Variants in USP35 observed in about 807,000 individuals in gnomAD.
The protein encoded by USP35 is ubiquitin carboxyl-terminal hydrolase 35.
In USP35, 69 loss-of-function variants were observed where a neutral mutation model predicts 83.8. The observed-to-expected ratio is 0.82, with a 90% CI of 0.68 to 1.01. USP35 has a LOEUF of 1.01. Among genes scored for constraint, USP35 ranks in the 50% least tolerant of loss-of-function variants. USP35 has a pLI of 0.00. For missense variants in USP35, 1,503 were observed against 1,362.5 expected (o/e 1.10, Z -1.62); for synonymous variants, 714 against 589.5 (o/e 1.21, Z -3.06).
In USP35 at chr11:78,196,525, G is replaced by A; in HGVS notation, c.280G>A (p.Gly94Ser). The change falls in exon 2 of 11, where the codon GGC becomes AGC. Residue 94 changes from glycine to serine, a missense_variant. Gly to Ser is a moderately conservative substitution (Grantham distance 56). Coordinates refer to ENST00000529308, the MANE Select transcript of USP35 (RefSeq NM_020798.4). This position sits in a 1 kb window ranked among gnomAD's most constrained non-coding sequence, Gnocchi z 4.8. ...RVLRLLQGGAGPPGPRALACV... is the reference protein window; with the variant it reads ...RVLRLLQGGASPPGPRALACV... ...GCTGCGCCTGCTGCAGGGTGGCGCC[G>A]GCCCCCCGGGCCCCCGCGCGCTCGC... 1 of 1,219,144 alleles carries A rather than the reference G, an allele frequency of 8.2e-7. No individual in the cohort carries two copies. Among genetic ancestry groups the A allele is most frequent in the East Asian group, 4.2e-5 (1 of 24,016 alleles). 75.5% of individuals were successfully genotyped at this position (1,219,144 alleles called of 1,614,324 possible).
Position 78,196,473 on chromosome 11 carries a change from C to T in USP35, c.228C>T (p.Phe76=), listed in dbSNP as rs1436234752. The change falls in exon 2 of 11, where the codon TTC becomes TTT. Residue 76 remains phenylalanine (F), a synonymous_variant. Coordinates refer to ENST00000529308, the MANE Select transcript of USP35 (RefSeq NM_020798.4). This position sits in a 1 kb window ranked among gnomAD's most constrained non-coding sequence, Gnocchi z 4.8. ...HVAGRHHPDV[F]AEFFSARRVL... is the part of the protein sequence containing the mutation. Reference sequence around the variant, plus strand: ...CCGGCCGCCACCACCCCGACGTCTTCGCCGAGTTCTTCAGCGCGCGTCGCG... The same window carrying T: ...CCGGCCGCCACCACCCCGACGTCTTTGCCGAGTTCTTCAGCGCGCGTCGCG... 8.0e-7 allele frequency: 1 copy of T among 1,245,244 alleles called. No homozygotes were observed. The highest frequency in any genetic ancestry group is 1.0e-6 in the Non-Finnish European group (1 of 993,264). 77.1% of individuals were successfully genotyped at this position (1,245,244 alleles called of 1,614,324 possible).
chr11:78,203,021 C>T (rs1172560034), intron 6 of USP35, among the ~76,000 whole-genome samples: 4 of 152,062 alleles, frequency 2.6e-5, no homozygotes, highest in Non-Finnish European at 4.4e-5. Context: ...GACCCTGCCC[C>T]GGGCACTGAG....
intron 10 of USP35, among the ~76,000 whole-genome samples, chr11:78,212,639 T>C (rs1404858737): frequency 6.6e-6 from 1 of 152,224 alleles, no homozygotes; most frequent in Non-Finnish European, 1.5e-5. Flanking sequence ...AGGTATTTTA[T>C]TCTGTTTGTA....
At position 78,214,781 on chromosome 11, in the gene USP35, G is replaced by C. The variant is rs1469760522; in HGVS notation, c.*968G>C. ...TTGCTCACGGGGTCTGGGGAGGCCAGGACTCAGCCTGCCCCCCAGTGACGT... is the reference window on the plus strand; with the variant it reads ...TTGCTCACGGGGTCTGGGGAGGCCACGACTCAGCCTGCCCCCCAGTGACGT... On this transcript the variant is annotated 3_prime_UTR_variant, in exon 11 of 11. Transcript: ENST00000529308. 1 of 152,274 alleles carries C rather than the reference G, an allele frequency of 6.6e-6. No individual in the cohort carries two copies. The highest frequency in any genetic ancestry group is 1.5e-5 in the Non-Finnish European group (1 of 68,104). The allele number at this position is 152,274 out of a possible 1,614,324, so 9.4% of individuals were successfully genotyped here. A position where few individuals can be genotyped will look rare whatever the true frequency, so the allele number is the denominator to read the frequency against.
intron 5 of USP35, 55 bp downstream of exon 5, chr11:78,200,289 A>G (rs1279758661): frequency 5.1e-6 from 8 of 1,558,814 alleles, no homozygotes; most frequent in Non-Finnish European, 7.1e-6. Context: ...GCCCCTGGTA[A>G]GGGCCCTGCC....
chr11:78,235,444 G>A, the USP35 span, among the ~76,000 whole-genome samples: 3 of 152,136 alleles, frequency 2.0e-5, no homozygotes, highest in South Asian at 2.1e-4. Flanking sequence ...GAGCCACTGC[G>A]CCCGGCTGGG....
chr11:78,210,358 CTGCCA>C lies in USP35; in HGVS notation c.2504_2508del (p.Leu835ProfsTer10), dbSNP rs772689172. Reference sequence around the variant, plus strand: ...CGTCTCCATCCCCCTGCTGCTCCGCCTGCCACTGGCTGGTGGCCGTGGCCAGGCCT... The same window carrying C: ...CGTCTCCATCCCCCTGCTGCTCCGCCCTGGCTGGTGGCCGTGGCCAGGCCT... On this transcript the variant is annotated frameshift_variant, in exon 10 of 11. Coordinates refer to ENST00000529308, the MANE Select transcript of USP35 (RefSeq NM_020798.4). LOFTEE classifies it high-confidence loss of function. 2 of 1,613,608 alleles carry C rather than the reference CTGCCA, an allele frequency of 1.2e-6. No individual in the cohort carries two copies. Among genetic ancestry groups the C allele is most frequent in the Non-Finnish European group, 8.5e-7 (1 of 1,179,930 alleles).
chr11:78,199,353 G>A, intron 3 of USP35: 4 of 522,036 alleles, frequency 7.7e-6, no homozygotes, highest in Non-Finnish European at 1.4e-5. Context: ...GGCGAGACTT[G>A]GGGTGCTGAG....
chr11:78,200,326 G>A (rs867405), intron 5 of USP35, 92 bp downstream of exon 5: 1 of 1,435,288 alleles, frequency 7.0e-7, no homozygotes, highest in South Asian at 1.2e-5. Context: ...GGCCCTGCCT[G>A]CTGACCCTGG....
At chr11:78,201,404 C>T (rs1205111023) in intron 6 of USP35, among the ~76,000 whole-genome samples, 4 of 152,234 alleles carry the variant, frequency 2.6e-5, no homozygotes, top group East Asian at 3.8e-4. Context: ...ATGAAGCAAA[C>T]GGAGTCTCCT....
rs772394709 is a variant in USP35 at position 78,213,783 on chromosome 11, T to C, written c.3027T>C (p.Asn1009=). ...SPGGCNPAGG[N]GGDFHRLVF Reference sequence around the variant, plus strand: ...GGGGCTGCAATCCTGCAGGTGGCAATGGTGGTGACTTCCACAGACTGGTCT... The same window carrying C: ...GGGGCTGCAATCCTGCAGGTGGCAACGGTGGTGACTTCCACAGACTGGTCT... The change falls in exon 11 of 11, where the codon AAT becomes AAC. Residue 1009 remains asparagine, a synonymous_variant. Coordinates refer to ENST00000529308, the MANE Select transcript of USP35 (RefSeq NM_020798.4). 5 of 1,550,302 alleles carry C rather than the reference T, an allele frequency of 3.2e-6. No individual in the cohort carries two copies. The highest frequency in any genetic ancestry group is 1.7e-6 in the Non-Finnish European group (2 of 1,156,672).
At chr11:78,198,807 T>G (rs1863237347) in intron 3 of USP35, 1 of 628,702 alleles carries the variant, frequency 1.6e-6, no homozygotes, top group African/African-American at 2.0e-5. Flanking sequence ...TTGAGTTTCC[T>G]CAACTGTAAA....
rs1428914908 is a variant in USP35, at chr11:78,214,786, C to G, written c.*973C>G. On this transcript the variant is annotated 3_prime_UTR_variant, in exon 11 of 11. Coordinates refer to ENST00000529308, the MANE Select transcript of USP35 (RefSeq NM_020798.4). ...CACGGGGTCTGGGGAGGCCAGGACTCAGCCTGCCCCCCAGTGACGTGTGAG... is the reference window on the plus strand; with the variant it reads ...CACGGGGTCTGGGGAGGCCAGGACTGAGCCTGCCCCCCAGTGACGTGTGAG... The G allele has an allele frequency of 2.6e-5, 4 of 152,266 alleles. No individual in the cohort carries two copies. Among genetic ancestry groups the G allele is most frequent in the African/African-American group, 9.7e-5 (4 of 41,442 alleles). The allele number at this position is 152,266 out of a possible 1,614,324, so 9.4% of individuals were successfully genotyped here. A position where few individuals can be genotyped will look rare whatever the true frequency, so the allele number is the denominator to read the frequency against.
chr11:78,228,135 T>C, the USP35 span, among the ~76,000 whole-genome samples: 3 of 152,198 alleles, frequency 2.0e-5, no homozygotes, highest in Non-Finnish European at 4.4e-5. Flanking sequence ...TGGGACCTAG[T>C]ACGTCACAAT....
intron 10 of USP35, among the ~76,000 whole-genome samples, chr11:78,211,270 A>G (rs184380680): frequency 6.6e-6 from 1 of 152,320 alleles, no homozygotes; most frequent in African/African-American, 2.4e-5. Flanking sequence ...ATGTCCCTGC[A>G]GAGGACATGA....
chr11:78,207,444 A>G, intron 7 of USP35, 86 bp from the exon 8 acceptor site: 1 of 1,358,578 alleles, frequency 7.4e-7, no homozygotes, highest in Non-Finnish European at 1.0e-6. Context: ...TTTGGCCTAG[A>G]GGCTCTGGGC....
intron 6 of USP35, among the ~76,000 whole-genome samples, chr11:78,205,009 G>A (rs1863489235): frequency 6.6e-6 from 1 of 152,244 alleles, no homozygotes; most frequent in Middle Eastern, 3.2e-3. Context: ...CAAGAACAGG[G>A]CTAGAAGAAC....
chr11:78,221,886 G>A, the USP35 span: 7 of 735,938 alleles, frequency 9.5e-6, no homozygotes, highest in Non-Finnish European at 1.7e-5. Flanking sequence ...TCAGCCATTA[G>A]AGCTGCACAC....
chr11:78,196,023 G>A lies in USP35; in HGVS notation c.-10-213G>A, dbSNP rs1219228039. On this transcript the variant is annotated intron_variant, in intron 1 of 10. Transcript: ENST00000529308. This position sits in a 1 kb window ranked among gnomAD's most constrained non-coding sequence, Gnocchi z 4.8. ...GATTACAGGTGTGAGTCACCACGCA[G>A]GCCCCTGGCATTTATTATGTGCCAA... 6.6e-6 allele frequency among the ~76,000 whole-genome samples: 1 copy of A among 152,192 alleles called. No individual in the cohort carries two copies. The highest frequency in any genetic ancestry group is 1.9e-4 in the East Asian group (1 of 5,196).
Sources: allele counts gnomAD v4.1 joint callset (sites outside exome capture counted in the v4.1 genomes callset), GRCh38; gene constraint gnomAD v4.1.1; non-coding constraint Gnocchi (gnomAD v3.1); transcripts MANE v1.5; gene names NCBI Gene and HGNC (gene_info 2026-07-23, HGNC 2026-07-21).